Variants in PLEKHA5 observed in about 807,000 individuals in gnomAD.
PLEKHA5 encodes the protein pleckstrin homology domain-containing family A member 5.
PLEKHA5 carries 55 observed loss-of-function variants against 181.9 expected under a neutral mutation model. The observed-to-expected ratio is 0.30, with a 90% CI of 0.24 to 0.38. The LOEUF (loss-of-function observed/expected upper bound fraction) is 0.38. PLEKHA5 is among the 10% of genes least tolerant of loss of function. The pLI, the probability that PLEKHA5 is intolerant of heterozygous loss-of-function variation, is 1.00. For missense variants in PLEKHA5, 1,432 were observed against 1,549.5 expected (o/e 0.92, Z 1.27); for synonymous variants, 535 against 529.4 (o/e 1.01, Z -0.15).
At chr12:19,292,393 G>A (rs148996694) in intron 15 of PLEKHA5, among the ~76,000 whole-genome samples, 55 of 152,236 alleles carry the variant, frequency 3.6e-4, no homozygotes, top group Middle Eastern at 6.8e-3. Context: ...GGGCTACAGC[G>A]CAAGACTCTG....
At chr12:19,158,034 A>G (rs2042153768) in intron 3 of PLEKHA5, among the ~76,000 whole-genome samples, 2 of 152,172 alleles carry the variant, frequency 1.3e-5, no homozygotes, top group South Asian at 4.1e-4. Flanking sequence ...GATCAAGTTT[A>G]TAATCAAGTT....
At chr12:19,187,818 T>C (rs1392624607) in intron 3 of PLEKHA5, among the ~76,000 whole-genome samples, 1 of 152,174 alleles carries the variant, frequency 6.6e-6, no homozygotes, top group Non-Finnish European at 1.5e-5. Context: ...CAAGAACATA[T>C]TTTTATGAAA....
At chr12:19,177,422 A>C (rs1386090585) in intron 3 of PLEKHA5, among the ~76,000 whole-genome samples, 1 of 152,196 alleles carries the variant, frequency 6.6e-6, no homozygotes, top group Non-Finnish European at 1.5e-5. Context: ...CAGAACATAT[A>C]AGGAAGATGA....
chr12:19,213,365 C>T (rs2057342231), intron 3 of PLEKHA5, among the ~76,000 whole-genome samples: 1 of 151,974 alleles, frequency 6.6e-6, no homozygotes, highest in Admixed American at 6.5e-5. Context: ...CAAGAGTGAA[C>T]AGCAAGACCA....
At chr12:19,373,010 T>TAGAG in intron 31 of PLEKHA5, 1 of 152,314 alleles carries the variant, frequency 6.6e-6, no homozygotes, top group African/African-American at 2.4e-5. Flanking sequence ...TCAAGCGCTC[T>TAGAG]GCCCGCCTCA....
intron 3 of PLEKHA5, among the ~76,000 whole-genome samples, chr12:19,171,659 C>T (rs1168871874): frequency 6.6e-6 from 1 of 152,090 alleles, no homozygotes; most frequent in Non-Finnish European, 1.5e-5. Flanking sequence ...ATGCCTGGCC[C>T]TTTAAAATGT....
chr12:19,317,767 A>G (rs560605364), intron 16 of PLEKHA5, among the ~76,000 whole-genome samples: 2 of 152,190 alleles, frequency 1.3e-5, no homozygotes, highest in African/African-American at 4.8e-5. Flanking sequence ...AAAATATAAC[A>G]CATGTCCTTA....
At chr12:19,196,112 A>G (rs1691580616) in intron 3 of PLEKHA5, among the ~76,000 whole-genome samples, 2 of 152,182 alleles carry the variant, frequency 1.3e-5, no homozygotes, top group African/African-American at 4.8e-5. Context: ...GATTTCTTGA[A>G]TAATATTTTA....
At chr12:19,169,542 A>G (rs982537822) in intron 3 of PLEKHA5, among the ~76,000 whole-genome samples, 1 of 152,226 alleles carries the variant, frequency 6.6e-6, no homozygotes, top group Non-Finnish European at 1.5e-5. Flanking sequence ...AGAACAAGCT[A>G]CCACATTAAA....
chr12:19,246,750 A>G (rs999327973), intron 3 of PLEKHA5, among the ~76,000 whole-genome samples: 1 of 152,162 alleles, frequency 6.6e-6, no homozygotes, highest in Admixed American at 6.5e-5. Flanking sequence ...TTTGCATTCA[A>G]TGAAGTTTCG....
chr12:19,320,620 T>C lies in PLEKHA5; in HGVS notation c.2213T>C (p.Ile738Thr), dbSNP rs779064794. Reference sequence around the variant, plus strand: ...AAATACAGACCTGAAGAAGTAGATATTGATGTAAGTATTAGTATGATATAT... The same window carrying C: ...AAATACAGACCTGAAGAAGTAGATACTGATGTAAGTATTAGTATGATATAT... ...LYKYRPEEVD[I>T]DAKLSRLCEQ... Residue 738 changes from isoleucine (I) to threonine (T), a missense_variant, in exon 18 of 32, where the codon ATT (isoleucine) becomes ACT (threonine). Physicochemically the swap from Ile to Thr is moderately conservative, Grantham distance 89. This residue lies in a region of PLEKHA5 where 1,143 missense variants were observed against 1,168.4 expected (regional missense o/e 0.98). Transcript: ENST00000429027. 10 of 1,380,748 alleles carry C rather than the reference T, an allele frequency of 7.2e-6. No homozygotes were observed. The highest frequency in any genetic ancestry group is 5.7e-5 in the African/African-American group (4 of 70,046). The allele number at this position is 1,380,748 out of a possible 1,614,324, so 85.5% of individuals were successfully genotyped here.
intron 3 of PLEKHA5, among the ~76,000 whole-genome samples, chr12:19,227,825 G>A (rs373727726): frequency 6.6e-6 from 1 of 152,180 alleles, no homozygotes; most frequent in Non-Finnish European, 1.5e-5. Flanking sequence ...CAGGTTTAGA[G>A]TTCAGTAGCA....
chr12:19,338,292 G>A (rs2093612266), intron 21 of PLEKHA5, among the ~76,000 whole-genome samples: 4 of 152,004 alleles, frequency 2.6e-5, no homozygotes, highest in Admixed American at 2.6e-4. Context: ...TTGAACTCCT[G>A]GGCCCAAGTG....
chr12:19,211,244 GTGTACTGATAATA>G (rs1318410320), intron 3 of PLEKHA5, among the ~76,000 whole-genome samples: 2 of 152,148 alleles, frequency 1.3e-5, no homozygotes, highest in Non-Finnish European at 2.9e-5. Context: ...ACTTCAGAGT[GTGTACTGATAATA>G]TTCTGATCCC....
At chr12:19,325,956 G>A (rs1317565960) in intron 20 of PLEKHA5, among the ~76,000 whole-genome samples, 5 of 151,882 alleles carry the variant, frequency 3.3e-5, no homozygotes, top group Admixed American at 2.6e-4. Flanking sequence ...GCGGTAAGCC[G>A]AGATCACGCC....
At position 19,322,369 on chromosome 12, in the gene PLEKHA5, T is replaced by G. The variant is rs2091081678; in HGVS notation, c.2277T>G (p.Leu759=). The change falls in exon 19 of 32, where the codon CTT becomes CTG. Residue 759 remains leucine, a synonymous_variant. Transcript: ENST00000429027. ...DKVVHALEEK[L]QQLHKEKYTL... ...TGGTGCATGCTCTGGAAGAGAAACT[T>G]CAGCAACTCCACAAGGAGAAAGTAG... 1.2e-6 allele frequency: 2 copies of G among 1,612,660 alleles called. No individual in the cohort carries two copies. The highest frequency in any genetic ancestry group is 1.7e-4 in the Middle Eastern group (1 of 6,058).
At chr12:19,324,088 G>A (rs1289202529) in intron 20 of PLEKHA5, among the ~76,000 whole-genome samples, 2 of 152,114 alleles carry the variant, frequency 1.3e-5, no homozygotes, top group African/African-American at 4.8e-5. Context: ...ACCCTTGTCT[G>A]TACCTTCAAT....
rs186284321 is a variant in PLEKHA5, at chr12:19,296,140, A to G, written c.2037+4443A>G. On this transcript the variant is annotated intron_variant, in intron 15 of 31. Transcript: ENST00000429027. ...TCTCAGCTACTTGGGAGGCTGAGAC[A>G]GGAGAATCACTTGAATCCGGGAGGT... 3.0e-3 allele frequency among the ~76,000 whole-genome samples: 463 copies of G among 152,228 alleles called. 5 individuals are homozygous for G. Among genetic ancestry groups the G allele is most frequent in the Non-Finnish European group, 3.0e-3 (205 of 68,008 alleles).
chr12:19,335,422 AT>A (rs201462301), intron 20 of PLEKHA5, among the ~76,000 whole-genome samples: 70 of 142,392 alleles, frequency 4.9e-4, no homozygotes, highest in South Asian at 6.7e-4. Flanking sequence ...TACTTTATTT[AT>A]TTTTTTTTTT....
Sources: gnomAD v4.1 joint callset for allele counts (sites outside exome capture counted in the v4.1 genomes callset) on GRCh38, gnomAD v4.1.1 for gene constraint, gnomAD v4.1.1 regional missense constraint, MANE v1.5 for transcripts, NCBI Gene and HGNC (gene_info 2026-07-23, HGNC 2026-07-21) for gene names.